CCNF: variants seen among roughly 807,000 people sequenced by gnomAD.
The protein encoded by CCNF is cyclin-F.
In CCNF, 30 loss-of-function variants were observed where a neutral mutation model predicts 85.4. That is an observed-to-expected ratio of 0.35 (90% CI 0.26 to 0.48). The LOEUF is 0.48. CCNF is among the 20% of genes least tolerant of loss of function. The pLI, the probability that CCNF is intolerant of heterozygous loss-of-function variation, is 0.99. For synonymous variants in CCNF, 439 were observed against 425.1 expected (o/e 1.03, Z -0.40); for missense variants, 919 against 1,010.4 (o/e 0.91, Z 1.23).
Position 2,437,730 on chromosome 16 carries a change from C to T in CCNF, c.541-340C>T, listed in dbSNP as rs2065299026. 9.2e-6 allele frequency: 3 copies of T among 327,492 alleles called. No homozygotes were observed. The South Asian group carries it at 1.4e-4, about 15-fold the overall frequency. The allele number at this position is 327,492 out of a possible 1,614,324, so 20.3% of individuals were successfully genotyped here. ...ATGATGAAATCTCGAAACCTCGTCTCTACAAAAAATACAAAAAAGTTAGCC... is the reference window on the plus strand; with the variant it reads ...ATGATGAAATCTCGAAACCTCGTCTTTACAAAAAATACAAAAAAGTTAGCC... On this transcript the variant is annotated intron_variant, in intron 5 of 16. Transcript: ENST00000397066.
At chr16:2,436,155 T>C (rs936713859) in intron 4 of CCNF, 6 of 349,890 alleles carry the variant, frequency 1.7e-5, no homozygotes, top group African/African-American at 1.3e-4. Flanking sequence ...GCACGGGGGC[T>C]GTTTGGGCTC....
chr16:2,445,693 C>A, intron 10 of CCNF, 71 bp downstream of exon 10: 16 of 1,330,146 alleles, frequency 1.2e-5, no homozygotes, highest in South Asian at 2.6e-5. Flanking sequence ...ACCTGCCCTT[C>A]ATGTGCTCCT....
chr16:2,449,480 C>T lies in CCNF; in HGVS notation c.1399+18C>T. The T allele has an allele frequency of 6.3e-7, 1 of 1,590,934 alleles. No individual in the cohort carries two copies. Among genetic ancestry groups the T allele is most frequent in the Non-Finnish European group, 8.5e-7 (1 of 1,172,388 alleles). On this transcript the variant is annotated intron_variant, in intron 12 of 16. Coordinates refer to ENST00000397066, the MANE Select transcript of CCNF (RefSeq NM_001761.3). Reference sequence around the variant, plus strand: ...CGGGCAGAGTAAGGAGTGGCCCTTCCCAGGGATGCCTGTGTCGGGGAAGGT... The same window carrying T: ...CGGGCAGAGTAAGGAGTGGCCCTTCTCAGGGATGCCTGTGTCGGGGAAGGT...
At chr16:2,455,669 T>A in intron 16 of CCNF, 105 bp downstream of exon 16, 1 of 1,444,112 alleles carries the variant, frequency 6.9e-7, no homozygotes, top group Non-Finnish European at 9.2e-7. Context: ...GGGAGGAAGA[T>A]GTGCACAGAG....
chr16:2,447,791 C>T (rs1004086848), intron 10 of CCNF, among the ~76,000 whole-genome samples: 10 of 152,130 alleles, frequency 6.6e-5, no homozygotes, highest in Admixed American at 6.5e-5. Flanking sequence ...CTGCCCCCCA[C>T]CTCTGCTCTC....
chr16:2,455,222 G>T (rs775408780), intron 15 of CCNF, among the ~76,000 whole-genome samples, 173 bp from the exon 16 acceptor site: 1 of 152,256 alleles, frequency 6.6e-6, no homozygotes, highest in Non-Finnish European at 1.5e-5. Context: ...GGTTGGCCCT[G>T]CCTGAAGGGC....
intron 11 of CCNF, 128 bp from the exon 12 acceptor site, chr16:2,449,154 C>G (rs981351880): frequency 2.8e-6 from 4 of 1,435,380 alleles, no homozygotes; most frequent in Non-Finnish European, 3.9e-6. Flanking sequence ...GCCATCTGCG[C>G]TGGTGCGCTA....
rs2065447070 is a variant in CCNF at position 2,458,825 on chromosome 16, T to TGAGGATTAAATGTGAG, written c.*1812_*1827dup. On this transcript the variant is annotated 3_prime_UTR_variant, in exon 17 of 17. Transcript: ENST00000397066. ...TGATACCTACCTCACAGGGGTGTTG[T>TGAGGATTAAATGTGAG]GAGGATTAAATGTGAGGAGGATAGT... is the stretch of plus-strand genomic sequence containing the variant. 1 of 152,190 alleles carries TGAGGATTAAATGTGAG rather than the reference T, an allele frequency of 6.6e-6. No individual in the cohort carries two copies. Among genetic ancestry groups the TGAGGATTAAATGTGAG allele is most frequent in the Admixed American group, 6.5e-5 (1 of 15,272 alleles). The allele number at this position is 152,190 out of a possible 1,614,324, so 9.4% of individuals were successfully genotyped here.
At chr16:2,435,239 G>A (rs1433474011) in intron 3 of CCNF, among the ~76,000 whole-genome samples, 1 of 119,518 alleles carries the variant, frequency 8.4e-6, no homozygotes, top group African/African-American at 3.4e-5. Flanking sequence ...CAACAGAGCA[G>A]ACTCCGTCTC....
chr16:2,448,611 G>T (rs575543113), intron 10 of CCNF, among the ~76,000 whole-genome samples: 72 of 152,276 alleles, frequency 4.7e-4, no homozygotes, highest in Middle Eastern at 3.4e-3. Flanking sequence ...ATAGGGTCTT[G>T]CTTTGTTGCC....
intron 15 of CCNF, among the ~76,000 whole-genome samples, chr16:2,454,697 C>T (rs1346664265): frequency 6.6e-6 from 1 of 152,172 alleles, no homozygotes; most frequent in African/African-American, 2.4e-5. Context: ...GTGTCAGCAC[C>T]GCCCAAGGCC....
Position 2,441,261 on chromosome 16 carries a change from T to C in CCNF, c.777+1435T>C, listed in dbSNP as rs1183739583. Among the ~76,000 whole-genome samples the C allele has an allele frequency of 2.0e-5, 3 of 148,964 alleles. No homozygotes were observed. In the East Asian group the frequency reaches 5.9e-4, roughly 29 times the overall value. On this transcript the variant is annotated intron_variant, in intron 8 of 16. Coordinates refer to ENST00000397066, the MANE Select transcript of CCNF (RefSeq NM_001761.3). ...AAAAAAAAAAATTAGCTGGATGTGG[T>C]GGCGTGTGCCTTGTAGTGCAGCTAC...
rs779053179 is a variant in CCNF at position 2,449,387 on chromosome 16, A to G, written c.1324A>G (p.Thr442Ala). 32 of 1,610,550 alleles carry G rather than the reference A, an allele frequency of 2.0e-5. No homozygotes were observed. The highest frequency in any genetic ancestry group is 2.5e-5 in the Non-Finnish European group (29 of 1,179,738). Residue 442 changes from threonine (T) to alanine (A), a missense_variant, in exon 12 of 17, where the codon ACC becomes GCC. By Grantham distance (58) the Thr-to-Ala change is moderately conservative. Coordinates refer to ENST00000397066, the MANE Select transcript of CCNF (RefSeq NM_001761.3). ...CCTCTGCGAGCTCTCCCTGCTGCAC[A>G]CCAGCCTGTCCGCCTACGCCCCAGC... The part of the protein sequence containing the change: ...SFLCELSLLH[T>A]SLSAYAPARL...
At chr16:2,443,965 G>A (rs1010461577) in intron 9 of CCNF, among the ~76,000 whole-genome samples, 165 bp downstream of exon 9, 2 of 151,612 alleles carry the variant, frequency 1.3e-5, no homozygotes, top group African/African-American at 2.4e-5. Context: ...TGTCGCCCAG[G>A]CTGGAGTGCA....
chr16:2,442,856 ATATT>A (rs1194797417), intron 8 of CCNF, among the ~76,000 whole-genome samples: 2 of 62,898 alleles, frequency 3.2e-5, no homozygotes, highest in East Asian at 5.9e-4. Context: ...TATATAATAT[ATATT>A]ATATTATATA....
chr16:2,437,955 AG>A, intron 5 of CCNF, 114 bp from the exon 6 acceptor site: 1 of 627,536 alleles, frequency 1.6e-6, no homozygotes, highest in South Asian at 1.5e-5. Flanking sequence ...TCTGCAGGGG[AG>A]GGAGGGCCAG....
chr16:2,431,449 G>T lies in CCNF; in HGVS notation c.171+165G>T, dbSNP rs1027392177. 2.0e-5 allele frequency among the ~76,000 whole-genome samples: 3 copies of T among 152,032 alleles called. 1 individual carries two copies. The highest frequency in any genetic ancestry group is 7.2e-5 in the African/African-American group (3 of 41,418). On this transcript the variant is annotated intron_variant, in intron 2 of 16. Transcript: ENST00000397066. ...TCCTAGCACTTTGGGAGGCCGAAGG[G>T]GGGTGGATCACCTGAGGTCAGGAGT...
intron 12 of CCNF, 30 bp from the exon 13 acceptor site, chr16:2,449,795 TCCC>T: frequency 2.1e-6 from 1 of 484,138 alleles, no homozygotes; most frequent in Non-Finnish European, 4.0e-6. Context: ...GTCCCCTCCA[TCCC>T]CTCCACCCCT....
intron 15 of CCNF, among the ~76,000 whole-genome samples, chr16:2,454,402 A>C (rs1386029182): frequency 6.6e-6 from 1 of 152,190 alleles, no homozygotes; most frequent in East Asian, 1.9e-4. Flanking sequence ...AGGAAAGTCC[A>C]TGCAGATACG....
Sources: allele counts gnomAD v4.1 joint callset (sites outside exome capture counted in the v4.1 genomes callset), GRCh38; gene constraint gnomAD v4.1.1; transcripts MANE v1.5; gene names NCBI Gene and HGNC (gene_info 2026-07-23, HGNC 2026-07-21).